RFX3: variants seen among roughly 807,000 people sequenced by gnomAD.
RFX3 encodes the protein regulatory factor X3, also known as transcription factor RFX3.
In RFX3, 14 loss-of-function variants were observed where a neutral mutation model predicts 98.6. That is an observed-to-expected ratio of 0.14 (90% CI 0.09 to 0.22). The LOEUF is 0.22. Among genes scored for constraint, RFX3 ranks in the 10% least tolerant of loss-of-function variants. The pLI is 1.00. For synonymous variants in RFX3, 383 were observed against 328.4 expected, an observed-to-expected ratio of 1.17 and a Z score of -1.80; for missense variants, 639 against 926.9, an observed-to-expected ratio of 0.69 and a Z score of 4.03.
intron 1 of RFX3, among the ~76,000 whole-genome samples, chr9:3,421,228 A>C (rs546992459): frequency 6.6e-6 from 1 of 152,262 alleles, no homozygotes; most frequent in Admixed American, 6.5e-5. Flanking sequence ...AAAGGTTTAC[A>C]GTACGTTCTG....
chr9:3,236,697 T>C (rs1258323379), intron 15 of RFX3, among the ~76,000 whole-genome samples: 1 of 152,176 alleles, frequency 6.6e-6, no homozygotes, highest in Admixed American at 6.5e-5. Context: ...AGACACCACA[T>C]TGCTAGAAGC....
At chr9:3,390,692 T>C (rs1840219497) in intron 2 of RFX3, among the ~76,000 whole-genome samples, 1 of 152,114 alleles carries the variant, frequency 6.6e-6, no homozygotes, top group African/African-American at 2.4e-5. Flanking sequence ...GTTTTAAAAA[T>C]GGGAGTTTCC....
intron 1 of RFX3, among the ~76,000 whole-genome samples, chr9:3,519,673 T>C (rs1818508632): frequency 6.6e-6 from 1 of 152,122 alleles, no homozygotes; most frequent in Non-Finnish European, 1.5e-5. Flanking sequence ...ACTAATGAGA[T>C]TATCTGAAAT....
At chr9:3,300,799 G>C (rs936721512) in intron 5 of RFX3, among the ~76,000 whole-genome samples, 5 of 151,824 alleles carry the variant, frequency 3.3e-5, no homozygotes, top group African/African-American at 1.2e-4. Context: ...TTTTTATTCA[G>C]CATTTTCATT....
chr9:3,319,262 G>C lies in RFX3; in HGVS notation c.474+10997C>G, dbSNP rs999355479. On this transcript the variant is annotated intron_variant, in intron 4 of 16. Coordinates refer to ENST00000617270, the MANE Select transcript of RFX3 (RefSeq NM_001282116.2). The stretch of plus-strand genomic sequence containing the variant: ...GGCCCTTGCCCACACTGACTGAATC[G>C]AAAGTCATTGGGGTGAGATCCAGAG... 2.6e-4 allele frequency among the ~76,000 whole-genome samples: 40 copies of C among 151,474 alleles called. 1 individual carries two copies. Among genetic ancestry groups the C allele is most frequent in the African/African-American group, 9.6e-4 (39 of 40,774 alleles).
chr9:3,234,800 C>G (rs1818918143), intron 15 of RFX3, among the ~76,000 whole-genome samples: 2 of 152,190 alleles, frequency 1.3e-5, no homozygotes, highest in Admixed American at 6.5e-5. Flanking sequence ...AAGACCTGCT[C>G]CAGCTCATTA....
At chr9:3,225,387 C>T in intron 16 of RFX3, 107 bp from the exon 17 acceptor site, 2 of 1,469,728 alleles carry the variant, frequency 1.4e-6, no homozygotes, top group African/African-American at 1.4e-5. Flanking sequence ...AAAGCAACAG[C>T]TTAGCTCTTC....
At chr9:3,340,080 G>A (rs142247304) in intron 3 of RFX3, among the ~76,000 whole-genome samples, 3,283 of 152,172 alleles carry the variant, frequency 0.022, 119 homozygotes, top group African/African-American at 0.075. Context: ...ACAGAACAGA[G>A]CCCTCAGAAA....
intron 1 of RFX3, among the ~76,000 whole-genome samples, chr9:3,418,617 C>T (rs748690255): frequency 5.3e-5 from 8 of 152,158 alleles, no homozygotes; most frequent in South Asian, 2.1e-4. Flanking sequence ...TGACTTCAGG[C>T]GATCCGTCTG....
chr9:3,489,821 A>C (rs117262258), intron 1 of RFX3, among the ~76,000 whole-genome samples: 89 of 152,188 alleles, frequency 5.8e-4, no homozygotes, highest in African/African-American at 2.1e-3. Context: ...GTGCCTGAAA[A>C]TTTTACATTA....
intron 2 of RFX3, among the ~76,000 whole-genome samples, chr9:3,386,929 G>A (rs1035209839): frequency 2.0e-5 from 3 of 152,148 alleles, no homozygotes; most frequent in African/African-American, 4.8e-5. Flanking sequence ...TATCACAAAT[G>A]AGTCATCTGA....
rs575603377 is a variant in RFX3 at position 3,439,318 on chromosome 9, C to T, written c.-8-43722G>A. 9.9e-5 allele frequency among the ~76,000 whole-genome samples: 15 copies of T among 151,764 alleles called. No individual in the cohort carries two copies. The East Asian group carries it at 2.9e-3, about 29-fold the overall frequency. On this transcript the variant is annotated intron_variant, in intron 1 of 16. Transcript: ENST00000617270. ...TAATGAGAAGAGAGAAAGTAAGGAT[C>T]ATGGTCAAATTCATTGAAATAGAAA...
chr9:3,240,160 C>T (rs936560512), intron 15 of RFX3, among the ~76,000 whole-genome samples: 3 of 152,188 alleles, frequency 2.0e-5, no homozygotes, highest in Non-Finnish European at 4.4e-5. Flanking sequence ...GACAGAATTT[C>T]AAATCCAAAC....
At chr9:3,225,661 C>T (rs994935258) in intron 16 of RFX3, among the ~76,000 whole-genome samples, 12 of 151,922 alleles carry the variant, frequency 7.9e-5, no homozygotes, top group African/African-American at 2.4e-4. Context: ...GAGCTGAAAA[C>T]GCAAACACAA....
At chr9:3,288,749 T>G (rs978157404) in intron 6 of RFX3, among the ~76,000 whole-genome samples, 3 of 152,172 alleles carry the variant, frequency 2.0e-5, no homozygotes, top group Non-Finnish European at 4.4e-5. Context: ...TCAGTGATGA[T>G]GAAGTAAGAT....
chr9:3,253,025 C>T (rs1051812107), intron 14 of RFX3, among the ~76,000 whole-genome samples: 6 of 152,108 alleles, frequency 3.9e-5, no homozygotes, highest in African/African-American at 1.2e-4. Context: ...TTCAGACTTC[C>T]GTAAGAAATG....
intron 1 of RFX3, among the ~76,000 whole-genome samples, chr9:3,478,343 T>C (rs1474159880): frequency 2.6e-5 from 4 of 152,064 alleles, no homozygotes; most frequent in Admixed American, 6.6e-5. Context: ...CTTTAGTACT[T>C]TCATGAACGA....
Position 3,330,267 on chromosome 9 carries a change from G to C in RFX3, c.466C>G (p.Pro156Ala). The C allele has an allele frequency of 1.2e-6, 2 of 1,614,014 alleles. No homozygotes were observed. The highest frequency in any genetic ancestry group is 8.5e-7 in the Non-Finnish European group (1 of 1,179,968). Residue 156 changes from proline to alanine, a missense_variant, in exon 4 of 17, where the codon CCA becomes GCA. Pro to Ala is a conservative substitution (Grantham distance 27). This residue lies in a region of RFX3 where 210 missense variants were observed against 197.7 expected (regional missense o/e 1.06). Transcript: ENST00000617270. ...HSVTHTTRAS[P>A]ATIEMAIETL... ...AAAATTCAAATACTTACTGTCGCTG[G>C]GGAGGCCCGAGTTGTGTGTGTCACT...
intron 14 of RFX3, among the ~76,000 whole-genome samples, chr9:3,252,564 T>G (rs146158151): frequency 6.6e-6 from 1 of 152,250 alleles, no homozygotes; most frequent in Non-Finnish European, 1.5e-5. Flanking sequence ...GAGACAGAAC[T>G]GCTTGCTGTT....
Sources: gnomAD v4.1 joint callset for allele counts (sites outside exome capture counted in the v4.1 genomes callset) on GRCh38, gnomAD v4.1.1 for gene constraint, gnomAD v4.1.1 regional missense constraint, MANE v1.5 for transcripts, NCBI Gene and HGNC (gene_info 2026-07-23, HGNC 2026-07-21) for gene names.